UBASH3B: variants seen among roughly 807,000 people sequenced by gnomAD.
UBASH3B encodes the protein ubiquitin associated and SH3 domain containing B.
A neutral mutation model predicts 83.4 loss-of-function variants in UBASH3B; 37 were observed. That is an observed-to-expected ratio of 0.44 (90% CI 0.34 to 0.58). The LOEUF (loss-of-function observed/expected upper bound fraction) is 0.58, where lower values mean the gene tolerates loss of function less well. Among genes scored for constraint, UBASH3B ranks in the 20% least tolerant of loss-of-function variants. The pLI is 0.01. For missense variants in UBASH3B, 657 were observed against 827.2 expected, an observed-to-expected ratio of 0.79 and a Z score of 2.52; for synonymous variants, 304 against 318.3, an observed-to-expected ratio of 0.96 and a Z score of 0.48.
chr11:122,763,657 G>T (rs1860483930), intron 1 of UBASH3B, among the ~76,000 whole-genome samples: 1 of 152,112 alleles, frequency 6.6e-6, no homozygotes, highest in Non-Finnish European at 1.5e-5. Context: ...TGTGGGATGT[G>T]CAGCTCTCAC....
chr11:122,721,730 T>C (rs1860642517), intron 1 of UBASH3B, among the ~76,000 whole-genome samples: 1 of 152,248 alleles, frequency 6.6e-6, no homozygotes, highest in Non-Finnish European at 1.5e-5. Flanking sequence ...CTTTCCTTTT[T>C]ACCCTAGTGA....
rs375909553 is a variant in UBASH3B, at chr11:122,682,128, TCTC to T, written c.161+25924_161+25926del. 1.8e-3 allele frequency among the ~76,000 whole-genome samples: 279 copies of T among 152,202 alleles called. 1 individual carries two copies. Among genetic ancestry groups the T allele is most frequent in the African/African-American group, 6.3e-3 (260 of 41,534 alleles). On this transcript the variant is annotated intron_variant, in intron 1 of 13. Transcript: ENST00000284273. ...CACTGCGAGGATAGCGAGTGCAAAT[TCTC>T]CTCCTGCGTAGTACCCTGCCAACCC... is the stretch of plus-strand genomic sequence containing the variant.
At chr11:122,663,846 C>T (rs1863480058) in intron 1 of UBASH3B, among the ~76,000 whole-genome samples, 2 of 152,166 alleles carry the variant, frequency 1.3e-5, no homozygotes, top group Admixed American at 1.3e-4. Flanking sequence ...CATGCTAAGC[C>T]TCAATTTTCC....
At position 122,789,142 on chromosome 11, in the gene UBASH3B, G is replaced by A. The variant is rs758144514; in HGVS notation, c.814G>A (p.Glu272Lys). Reference protein sequence around the residue: ...IYPYTPQNDDELELVPGDFIF... With the variant: ...IYPYTPQNDDKLELVPGDFIF... ...CCCCTATACCCCACAAAATGACGAT[G>A]AGCTGGAGCTGGTCCCCGGGGACTT... Residue 272 changes from glutamate to lysine, a missense_variant, in exon 6 of 14, where the codon GAG becomes AAG. Transcript: ENST00000284273. 2 of 1,613,912 alleles carry A rather than the reference G, an allele frequency of 1.2e-6. No homozygotes were observed. The highest frequency in any genetic ancestry group is 1.7e-6 in the Non-Finnish European group (2 of 1,179,992).
intron 1 of UBASH3B, among the ~76,000 whole-genome samples, chr11:122,697,930 C>T (rs890161877): frequency 2.0e-5 from 3 of 152,184 alleles, no homozygotes; most frequent in African/African-American, 7.2e-5. Flanking sequence ...AACACATTCT[C>T]TCATTTTCAT....
At chr11:122,699,957 G>T (rs138165995) in intron 1 of UBASH3B, among the ~76,000 whole-genome samples, 3 of 152,114 alleles carry the variant, frequency 2.0e-5, no homozygotes, top group African/African-American at 7.2e-5. Context: ...TTTGGAAATC[G>T]ATCAAGGAAT....
intron 1 of UBASH3B, chr11:122,774,153 A>T: frequency 1.0e-6 from 1 of 985,212 alleles, no homozygotes; most frequent in South Asian, 4.7e-5. Flanking sequence ...GCACCTTGTC[A>T]AAGTGTGGGA....
At chr11:122,707,387 A>C (rs918287277) in intron 1 of UBASH3B, among the ~76,000 whole-genome samples, 1 of 151,730 alleles carries the variant, frequency 6.6e-6, no homozygotes, top group Non-Finnish European at 1.5e-5. Context: ...TGCCTCTTCT[A>C]CTCCTTGCAA....
At chr11:122,763,150 T>C (rs1359556649) in intron 1 of UBASH3B, among the ~76,000 whole-genome samples, 3 of 152,128 alleles carry the variant, frequency 2.0e-5, no homozygotes, top group Non-Finnish European at 2.9e-5. Context: ...AACTCATTGA[T>C]CTTGGGGAGC....
At chr11:122,790,540 G>A (rs571990135) in intron 6 of UBASH3B, among the ~76,000 whole-genome samples, 14 of 152,212 alleles carry the variant, frequency 9.2e-5, no homozygotes, top group Admixed American at 3.9e-4. Flanking sequence ...CAAAATATGC[G>A]TGAATAAACT....
chr11:122,738,572 C>T (rs7126299), intron 1 of UBASH3B, among the ~76,000 whole-genome samples: 12,735 of 152,104 alleles, frequency 0.084, 1,497 homozygotes, highest in African/African-American at 0.27. Flanking sequence ...GGAAGAGCTA[C>T]GGTGGGAGTT....
intron 1 of UBASH3B, among the ~76,000 whole-genome samples, chr11:122,698,763 A>G (rs990340455): frequency 2.0e-5 from 3 of 152,096 alleles, no homozygotes; most frequent in Non-Finnish European, 2.9e-5. Flanking sequence ...CTGGAAATCT[A>G]TTTGCTTCAG....
chr11:122,705,985 G>A (rs568166535), intron 1 of UBASH3B, among the ~76,000 whole-genome samples: 1 of 152,068 alleles, frequency 6.6e-6, no homozygotes, highest in Non-Finnish European at 1.5e-5. Context: ...ACAAGTGGGG[G>A]CTGCCTGGGT....
chr11:122,773,744 T>C (rs1339884488), intron 1 of UBASH3B, among the ~76,000 whole-genome samples: 5 of 152,222 alleles, frequency 3.3e-5, no homozygotes, highest in East Asian at 1.9e-4. Flanking sequence ...CTTTGAACTC[T>C]TTCCAAAACT....
intron 5 of UBASH3B, among the ~76,000 whole-genome samples, chr11:122,785,697 TA>T (rs1395201933): frequency 6.6e-6 from 1 of 152,224 alleles, no homozygotes; most frequent in Admixed American, 6.5e-5. Flanking sequence ...TCCATCACTT[TA>T]GCAAGGGTTA....
intron 1 of UBASH3B, among the ~76,000 whole-genome samples, chr11:122,684,727 A>G (rs1863787044): frequency 6.6e-6 from 1 of 152,108 alleles, no homozygotes; most frequent in Non-Finnish European, 1.5e-5. Context: ...CCTCCCAAGT[A>G]GCTGGGATTA....
intron 1 of UBASH3B, among the ~76,000 whole-genome samples, 181 bp downstream of exon 1, chr11:122,656,391 G>A (rs1009327291): frequency 6.6e-6 from 1 of 152,078 alleles, no homozygotes; most frequent in African/African-American, 2.4e-5. Flanking sequence ...GCGGGGGTGC[G>A]GGGGAAGACG....
intron 1 of UBASH3B, among the ~76,000 whole-genome samples, chr11:122,708,183 C>T (rs1237075409): frequency 6.6e-6 from 1 of 152,120 alleles, no homozygotes; most frequent in Non-Finnish European, 1.5e-5. Context: ...GTTCTCACCA[C>T]CATCTTCAAC....
In UBASH3B at chr11:122,768,506, G is replaced by GTATA. The variant is rs538067099; in HGVS notation, c.162-7712_162-7711insATAT. Among the ~76,000 whole-genome samples the GTATA allele has an allele frequency of 2.4e-3, 301 of 126,166 alleles. 1 individual carries two copies. The highest frequency in any genetic ancestry group is 7.8e-3 in the African/African-American group (264 of 33,764). 82.8% of individuals were successfully genotyped at this position (126,166 alleles called of 152,430 possible). The stretch of plus-strand genomic sequence containing the variant: ...TGTGTGTGTGTGTGTGTGTGTGTGT[G>GTATA]TGTATATATATATATTTGAGACTGA... On this transcript the variant is annotated intron_variant, in intron 1 of 13. Transcript: ENST00000284273.
Sources: allele counts gnomAD v4.1 joint callset (sites outside exome capture counted in the v4.1 genomes callset), GRCh38; gene constraint gnomAD v4.1.1; transcripts MANE v1.5; gene names NCBI Gene and HGNC (gene_info 2026-07-23, HGNC 2026-07-21).